The following SNTB1 variants were observed in gnomAD, a reference collection of about 807,000 sequenced individuals.
SNTB1 encodes the protein beta-1-syntrophin.
A neutral mutation model predicts 48.9 loss-of-function variants in SNTB1; 36 were observed. The observed-to-expected ratio is 0.74, with a 90% CI of 0.56 to 0.97. The LOEUF is 0.97. Among genes scored for constraint, SNTB1 ranks in the 50% least tolerant of loss-of-function variants. SNTB1 has a pLI of 0.00. For synonymous variants in SNTB1, 299 were observed against 294.6 expected (o/e 1.01, Z -0.15); for missense variants, 786 against 703.4 (o/e 1.12, Z -1.33).
chr8:120,650,647 C>G (rs1817397804), intron 2 of SNTB1, among the ~76,000 whole-genome samples: 1 of 152,126 alleles, frequency 6.6e-6, no homozygotes, highest in South Asian at 2.1e-4. Context: ...GATTTTATAC[C>G]TATATATCTC....
intron 3 of SNTB1, among the ~76,000 whole-genome samples, chr8:120,586,475 C>A (rs1816142546): frequency 6.6e-6 from 1 of 152,142 alleles, no homozygotes; most frequent in African/African-American, 2.4e-5. Flanking sequence ...TGGCTCTTGG[C>A]TCTGCATCAT....
chr8:120,736,635 G>A (rs1818948888), intron 1 of SNTB1, among the ~76,000 whole-genome samples: 1 of 152,166 alleles, frequency 6.6e-6, no homozygotes, highest in South Asian at 2.1e-4. Flanking sequence ...AACCAGCTTG[G>A]ATTTTATTGC....
intron 1 of SNTB1, among the ~76,000 whole-genome samples, chr8:120,713,024 A>G (rs1159172498): frequency 1.3e-5 from 2 of 152,158 alleles, no homozygotes; most frequent in African/African-American, 4.8e-5. Flanking sequence ...AGCATCTAAA[A>G]TGCATTGACT....
In SNTB1 at chr8:120,551,107, T is replaced by C. The variant is rs560236497; in HGVS notation, c.1137-2149A>G. ...AACGTCTGTACTAAAAATACAAAAA[T>C]TATCTGGACATGGTGGCACGCACCT... On this transcript the variant is annotated intron_variant, in intron 4 of 6. Coordinates refer to ENST00000517992, the MANE Select transcript of SNTB1 (RefSeq NM_021021.4). 5.9e-4 allele frequency among the ~76,000 whole-genome samples: 90 copies of C among 152,038 alleles called. 2 individuals are homozygous for C. In the South Asian group the frequency reaches 0.018, roughly 30 times the overall value.
At chr8:120,753,635 T>TA (rs1426541577) in intron 1 of SNTB1, among the ~76,000 whole-genome samples, 1 of 152,040 alleles carries the variant, frequency 6.6e-6, no homozygotes, top group Non-Finnish European at 1.5e-5. Context: ...CTGTGAACAG[T>TA]AAGGGGAGAA....
chr8:120,716,139 T>G (rs1308376598), intron 1 of SNTB1, among the ~76,000 whole-genome samples: 1 of 152,204 alleles, frequency 6.6e-6, no homozygotes, highest in African/African-American at 2.4e-5. Flanking sequence ...GAGCCCATAG[T>G]TGGTAGTCAA....
chr8:120,808,094 T>C (rs1490654581), intron 1 of SNTB1, among the ~76,000 whole-genome samples: 2 of 152,058 alleles, frequency 1.3e-5, no homozygotes, highest in African/African-American at 4.8e-5. Context: ...TTTGTATTTT[T>C]AGTCAAGACA....
At chr8:120,671,952 T>C (rs1250376408) in intron 2 of SNTB1, among the ~76,000 whole-genome samples, 2 of 152,184 alleles carry the variant, frequency 1.3e-5, no homozygotes, top group Non-Finnish European at 2.9e-5. Context: ...TGGTTCGACT[T>C]AGGATTTTTC....
chr8:120,613,582 T>C (rs1329943745), intron 3 of SNTB1, among the ~76,000 whole-genome samples: 4 of 152,072 alleles, frequency 2.6e-5, no homozygotes, highest in Admixed American at 6.5e-5. Flanking sequence ...TACAGTAATG[T>C]CATGTACTAC....
chr8:120,668,942 C>G (rs1186428582), intron 2 of SNTB1, among the ~76,000 whole-genome samples: 1 of 152,192 alleles, frequency 6.6e-6, no homozygotes, highest in Non-Finnish European at 1.5e-5. Context: ...GGCTCAACTT[C>G]AGATAGGAGA....
chr8:120,634,060 A>T (rs1002839233), intron 2 of SNTB1, among the ~76,000 whole-genome samples: 1 of 152,142 alleles, frequency 6.6e-6, no homozygotes, highest in Non-Finnish European at 1.5e-5. Context: ...GTGTTCCCCC[A>T]CACCCACCAC....
At chr8:120,635,663 T>A (rs1313154382) in intron 2 of SNTB1, 1 of 177,502 alleles carries the variant, frequency 5.6e-6, no homozygotes, top group Non-Finnish European at 1.3e-5. Flanking sequence ...CTGATTCTGG[T>A]TCTAGAACTT....
intron 1 of SNTB1, among the ~76,000 whole-genome samples, chr8:120,759,755 C>T (rs117990222): frequency 4.6e-5 from 7 of 152,138 alleles, no homozygotes; most frequent in South Asian, 4.1e-4. Flanking sequence ...TGAACCACTC[C>T]GTTAAATTCT....
intron 2 of SNTB1, among the ~76,000 whole-genome samples, chr8:120,649,887 C>A (rs1186245935): frequency 1.3e-5 from 2 of 152,150 alleles, no homozygotes; most frequent in African/African-American, 2.4e-5. Flanking sequence ...TTTTTTAAGC[C>A]CCTCGGAAAA....
At chr8:120,705,010 G>T (rs1026578986) in intron 1 of SNTB1, among the ~76,000 whole-genome samples, 1 of 152,210 alleles carries the variant, frequency 6.6e-6, no homozygotes, top group Non-Finnish European at 1.5e-5. Context: ...TTCAGAAAAG[G>T]AGAGAGAAGT....
chr8:120,560,593 T>A (rs1201428568), intron 4 of SNTB1, among the ~76,000 whole-genome samples: 2 of 152,226 alleles, frequency 1.3e-5, no homozygotes, highest in Admixed American at 6.5e-5. Flanking sequence ...ATATTGACTA[T>A]AAGAAACGAA....
chr8:120,613,515 C>T (rs892452055), intron 3 of SNTB1, among the ~76,000 whole-genome samples: 1 of 152,092 alleles, frequency 6.6e-6, no homozygotes, highest in African/African-American at 2.4e-5. Flanking sequence ...TTAACACCAT[C>T]CCACCATCTC....
rs111859750 is a variant in SNTB1, at chr8:120,770,399, ATT to A, written c.571+40872_571+40873del. Among the ~76,000 whole-genome samples the A allele has an allele frequency of 1.3e-3, 186 of 144,224 alleles. 1 individual carries two copies. The highest frequency in any genetic ancestry group is 3.6e-3 in the African/African-American group (142 of 39,210). The allele number at this position is 144,224 out of a possible 152,430, so 94.6% of individuals were successfully genotyped here. A position where few individuals can be genotyped will look rare whatever the true frequency, so the allele number is the denominator to read the frequency against. On this transcript the variant is annotated intron_variant, in intron 1 of 6. Transcript: ENST00000517992. ...TATGAGCTAGGTCTAGTAATAAAGC[ATT>A]TTTTTTTTTTTTGCCTTATTTCAAG...
rs923193697 is a variant in SNTB1, at chr8:120,711,552, C to T, written c.572-17644G>A. ...GTAAACAAACAGTAGCTGTGCAGGC[C>T]GTCAGGTGTTTTGCACCAAAGAATT... On this transcript the variant is annotated intron_variant, in intron 1 of 6. Transcript: ENST00000517992. 3.3e-5 allele frequency among the ~76,000 whole-genome samples: 5 copies of T among 152,236 alleles called. No individual in the cohort carries two copies. The South Asian group carries it at 8.3e-4, about 25-fold the overall frequency.
Sources: gnomAD v4.1 joint callset for allele counts (sites outside exome capture counted in the v4.1 genomes callset) on GRCh38, gnomAD v4.1.1 for gene constraint, MANE v1.5 for transcripts, NCBI Gene and HGNC (gene_info 2026-07-23, HGNC 2026-07-21) for gene names.